The following RET variants were observed in gnomAD, a reference collection of about 807,000 sequenced individuals.
The protein encoded by RET is ret proto-oncogene.
A neutral mutation model predicts 118.3 loss-of-function variants in RET; 19 were observed. That is an observed-to-expected ratio of 0.16 (90% CI 0.11 to 0.24). The LOEUF is 0.24. Among genes scored for constraint, RET ranks in the 10% least tolerant of loss-of-function variants. The probability of loss-of-function intolerance (pLI) is 1.00; values close to 1 mark genes in which losing one functional copy is unlikely to be tolerated. For synonymous variants in RET, 597 were observed against 644.1 expected (o/e 0.93, Z 1.11); for missense variants, 1,219 against 1,502.1 (o/e 0.81, Z 3.12).
intron 15 of RET, among the ~76,000 whole-genome samples, chr10:43,121,150 A>T (rs963995156): frequency 6.6e-6 from 1 of 152,112 alleles, no homozygotes. Flanking sequence ...CTTCCTGTTG[A>T]TGCACTGGTC....
Position 43,077,103 on chromosome 10 carries a change from T to C in RET, c.-156T>C, listed in dbSNP as rs1448092555. 14 of 1,103,108 alleles carry C rather than the reference T, an allele frequency of 1.3e-5. No homozygotes were observed. Among genetic ancestry groups the C allele is most frequent in the Non-Finnish European group, 1.6e-5 (14 of 860,114 alleles). 68.3% of individuals were successfully genotyped at this position (1,103,108 alleles called of 1,614,324 possible). On this transcript the variant is annotated 5_prime_UTR_variant, in exon 1 of 20. Coordinates refer to ENST00000355710, the MANE Select transcript of RET (RefSeq NM_020975.6). ...ACCGAAGCAGGGCGCGCAGCAGCGC[T>C]GAGTGCCCCGGAACGTGCGTCGCGC...
intron 5 of RET, among the ~76,000 whole-genome samples, chr10:43,107,200 A>G (rs1024204749): frequency 6.6e-6 from 1 of 152,122 alleles, no homozygotes; most frequent in Non-Finnish European, 1.5e-5. Flanking sequence ...CCAGGCCATG[A>G]GTCCTTCACC....
At chr10:43,108,871 C>T (rs1837844676) in intron 5 of RET, among the ~76,000 whole-genome samples, 160 bp from the exon 6 acceptor site, 1 of 152,220 alleles carries the variant, frequency 6.6e-6, no homozygotes, top group Non-Finnish European at 1.5e-5. Flanking sequence ...AACATTGGTG[C>T]TAACTTAGGA....
intron 1 of RET, among the ~76,000 whole-genome samples, chr10:43,094,862 C>T (rs765370474): frequency 2.8e-4 from 43 of 152,098 alleles, no homozygotes; most frequent in Admixed American, 1.1e-3. Flanking sequence ...TGTGTGCCCC[C>T]GTGGTGTGTA....
intron 1 of RET, among the ~76,000 whole-genome samples, chr10:43,083,342 T>C (rs1318479895): frequency 6.6e-6 from 1 of 152,226 alleles, no homozygotes; most frequent in African/African-American, 2.4e-5. Flanking sequence ...TGCAGGGGCA[T>C]GTGAGACTGT....
intron 10 of RET, among the ~76,000 whole-genome samples, 164 bp downstream of exon 10, chr10:43,113,839 C>T (rs1174609260): frequency 6.6e-6 from 1 of 152,136 alleles, no homozygotes; most frequent in Non-Finnish European, 1.5e-5. Flanking sequence ...AGGAGAGGGG[C>T]CAGGGCCCCT....
intron 5 of RET, among the ~76,000 whole-genome samples, chr10:43,107,429 G>A (rs1286148230): frequency 2.6e-5 from 4 of 152,114 alleles, no homozygotes; most frequent in African/African-American, 4.8e-5. Context: ...CTTGGCCTGC[G>A]GGGTCATTGG....
At chr10:43,113,825 A>G in intron 10 of RET, 150 bp downstream of exon 10, 1 of 1,194,466 alleles carries the variant, frequency 8.4e-7, no homozygotes, top group East Asian at 2.6e-5. Flanking sequence ...CTGTTACTCC[A>G]CCCAGGAGAG....
chr10:43,105,154 C>T lies in RET; in HGVS notation c.828C>T (p.Val276=), dbSNP rs876660380. 1.9e-6 allele frequency: 3 copies of T among 1,612,636 alleles called. No individual in the cohort carries two copies. The highest frequency in any genetic ancestry group is 1.7e-6 in the Non-Finnish European group (2 of 1,179,870). ...DDSAPTFPAG[V]DTASAVVEFK... ...CGGCGCCCACCTTCCCCGCGGGCGT[C>T]GACACCGCCAGCGCCGTGGTGGAGT... The change falls in exon 4 of 20, where the codon GTC becomes GTT. Residue 276 remains valine (V), a synonymous_variant. Transcript: ENST00000355710.
chr10:43,091,423 G>A (rs1837407446), intron 1 of RET, among the ~76,000 whole-genome samples: 1 of 152,108 alleles, frequency 6.6e-6, no homozygotes, highest in South Asian at 2.1e-4. Flanking sequence ...GAGGTCAGGA[G>A]TTCGAAAGCA....
intron 15 of RET, among the ~76,000 whole-genome samples, chr10:43,121,017 T>G (rs1035281337): frequency 1.3e-5 from 2 of 152,076 alleles, no homozygotes; most frequent in African/African-American, 4.8e-5. Flanking sequence ...GCCATTTGTG[T>G]TGCCAGGGGT....
chr10:43,115,938 C>T (rs149858421), intron 11 of RET, among the ~76,000 whole-genome samples: 9 of 152,256 alleles, frequency 5.9e-5, no homozygotes, highest in African/African-American at 1.7e-4. Flanking sequence ...CCTGGGGTGA[C>T]GGATGCCCAG....
In RET at chr10:43,112,107, G is replaced by A. The variant is rs201553718; in HGVS notation, c.1531G>A (p.Glu511Lys). The A allele has an allele frequency of 2.7e-4, 437 of 1,601,702 alleles. No individual in the cohort carries two copies. The highest frequency in any genetic ancestry group is 3.3e-4 in the Non-Finnish European group (393 of 1,174,284). Residue 511 changes from glutamate (E) to lysine (K), a missense_variant, in exon 8 of 20, where the codon GAG becomes AAG. Transcript: ENST00000355710. ...LVTVEGSYVA[E>K]EAGCPLSCAV... ...TTGTCTGCCACCTGCAGATGTGGCC[G>A]AGGAGGCGGGCTGCCCCCTGTCCTG...
chr10:43,125,421 C>T (rs1267240475), intron 18 of RET, among the ~76,000 whole-genome samples: 1 of 152,194 alleles, frequency 6.6e-6, no homozygotes, highest in Non-Finnish European at 1.5e-5. Context: ...GGGTTCCTTG[C>T]TGGAGTACCT....
In RET at chr10:43,102,638, C is replaced by T. The variant is rs201453349; in HGVS notation, c.625+9C>T. ...CTACAGGCTCCTGGAGGGTGAGTGCCGACCTTGTGGGGCCGCCCCACAGTG... is the reference window on the plus strand; with the variant it reads ...CTACAGGCTCCTGGAGGGTGAGTGCTGACCTTGTGGGGCCGCCCCACAGTG... On this transcript the variant is annotated intron_variant, in intron 3 of 19. Transcript: ENST00000355710. 89 of 1,613,718 alleles carry T rather than the reference C, an allele frequency of 5.5e-5. No homozygotes were observed. The highest frequency in any genetic ancestry group is 6.9e-5 in the Non-Finnish European group (82 of 1,180,036).
chr10:43,088,985 T>C (rs1225224840), intron 1 of RET, among the ~76,000 whole-genome samples: 1 of 152,220 alleles, frequency 6.6e-6, no homozygotes, highest in Non-Finnish European at 1.5e-5. Flanking sequence ...TGGCTCCTGC[T>C]TGTGGCTGCA....
chr10:43,095,626 G>A (rs1015780200), intron 1 of RET, among the ~76,000 whole-genome samples: 2 of 152,242 alleles, frequency 1.3e-5, no homozygotes, highest in Non-Finnish European at 2.9e-5. Flanking sequence ...ACTTCACTCT[G>A]TCAAACACTA....
intron 1 of RET, among the ~76,000 whole-genome samples, chr10:43,090,200 G>A (rs150411976): frequency 6.7e-4 from 102 of 152,350 alleles, no homozygotes; most frequent in Middle Eastern, 3.4e-3. Flanking sequence ...CAGGGGTGAG[G>A]CTGAGAGCCC....
Position 43,111,485 on chromosome 10 carries a change from A to C in RET, c.1522+20A>C. The C allele has an allele frequency of 1.1e-6, 1 of 893,576 alleles. No individual in the cohort carries two copies. Among genetic ancestry groups the C allele is most frequent in the Non-Finnish European group, 1.7e-6 (1 of 571,716 alleles). 55.4% of individuals were successfully genotyped at this position (893,576 alleles called of 1,614,324 possible). A position where few individuals can be genotyped will look rare whatever the true frequency, so the allele number is the denominator to read the frequency against. On this transcript the variant is annotated intron_variant, in intron 7 of 19. Transcript: ENST00000355710. ...GGTCATGTGAGTGCCTGCTCCAGGGAGGGAGGGTCGGGGTCCTGGGGGCTT... is the reference window on the plus strand; with the variant it reads ...GGTCATGTGAGTGCCTGCTCCAGGGCGGGAGGGTCGGGGTCCTGGGGGCTT...
Sources: allele counts gnomAD v4.1 joint callset (sites outside exome capture counted in the v4.1 genomes callset), GRCh38; gene constraint gnomAD v4.1.1; transcripts MANE v1.5; gene names NCBI Gene and HGNC (gene_info 2026-07-23, HGNC 2026-07-21).